The following HIBCH variants were observed in gnomAD, a reference collection of about 807,000 sequenced individuals.
HIBCH encodes the protein 3-hydroxyisobutyryl-CoA hydrolase, mitochondrial.
HIBCH carries 50 observed loss-of-function variants against 58.2 expected under a neutral mutation model. The observed-to-expected ratio is 0.86, with a 90% CI of 0.68 to 1.09. HIBCH has a LOEUF of 1.09. HIBCH is among the 50% of genes least tolerant of loss of function. The probability of loss-of-function intolerance (pLI) is 0.00; values close to 1 mark genes in which losing one functional copy is unlikely to be tolerated. For synonymous variants in HIBCH, 151 were observed against 146.9 expected (o/e 1.03, Z -0.20); for missense variants, 450 against 449.7 (o/e 1.00, Z -0.01).
chr2:190,295,854 G>A (rs1349092653), intron 3 of HIBCH, among the ~76,000 whole-genome samples: 2 of 152,162 alleles, frequency 1.3e-5, no homozygotes, highest in Non-Finnish European at 2.9e-5. Flanking sequence ...TTGGTAGCCA[G>A]GGGAAAACTA....
intron 9 of HIBCH, among the ~76,000 whole-genome samples, chr2:190,246,550 C>T (rs1238631041): frequency 6.6e-6 from 1 of 152,142 alleles, no homozygotes; most frequent in Non-Finnish European, 1.5e-5. Context: ...AATTTCCATC[C>T]TAGCCAGAAA....
intron 7 of HIBCH, among the ~76,000 whole-genome samples, chr2:190,260,226 A>G (rs74620685): frequency 6.6e-6 from 1 of 152,386 alleles, no homozygotes; most frequent in African/African-American, 2.4e-5. Flanking sequence ...AAGTGAGTTT[A>G]GCAAGTCTGC....
chr2:190,229,887 C>T (rs1686041638), intron 11 of HIBCH, among the ~76,000 whole-genome samples: 1 of 151,648 alleles, frequency 6.6e-6, no homozygotes, highest in South Asian at 2.1e-4. Flanking sequence ...TATCTAATCA[C>T]TTTTTTAACA....
intron 13 of HIBCH, among the ~76,000 whole-genome samples, chr2:190,205,991 A>G (rs1316237865): frequency 1.3e-5 from 2 of 152,190 alleles, no homozygotes; most frequent in East Asian, 3.8e-4. Flanking sequence ...ATCTACAATG[A>G]TCTCCAAATT....
At chr2:190,199,645 A>C, downstream of HIBCH, 1 of 1,195,664 alleles carries the variant, frequency 8.4e-7, no homozygotes, top group Non-Finnish European at 1.1e-6. Context: ...ACTCAATCAT[A>C]CACTATTTTG....
In HIBCH at chr2:190,207,895, TAAAA is replaced by T. The variant is rs1690429689; in HGVS notation, c.1045+981_1045+984del. ...GACCCTGTCTCCAAAAAAAATAAAA[TAAAA>T]TAAAAAAAACAAAGGATATCCAGAG... On this transcript the variant is annotated intron_variant, in intron 13 of 13. Coordinates refer to ENST00000359678, the MANE Select transcript of HIBCH (RefSeq NM_014362.4). This position sits in a 1 kb window ranked among gnomAD's most constrained non-coding sequence, Gnocchi z 4.5. Among the ~76,000 whole-genome samples, 1 of 150,758 alleles carries T rather than the reference TAAAA, an allele frequency of 6.6e-6. No homozygotes were observed. The highest frequency in any genetic ancestry group is 1.5e-5 in the Non-Finnish European group (1 of 67,638).
chr2:190,252,966 A>C (rs545546882), intron 7 of HIBCH, among the ~76,000 whole-genome samples: 1 of 152,200 alleles, frequency 6.6e-6, no homozygotes, highest in African/African-American at 2.4e-5. Flanking sequence ...AGACAGGCAG[A>C]TCACCTGAGG....
At chr2:190,264,509 T>G (rs1023500426) in intron 6 of HIBCH, among the ~76,000 whole-genome samples, 1 of 152,164 alleles carries the variant, frequency 6.6e-6, no homozygotes, top group Non-Finnish European at 1.5e-5. Flanking sequence ...AACAAAGGAT[T>G]AGAGTTTTTT....
intron 2 of HIBCH, among the ~76,000 whole-genome samples, chr2:190,299,752 G>A (rs1007749432): frequency 3.3e-5 from 5 of 152,152 alleles, no homozygotes; most frequent in Non-Finnish European, 7.4e-5. Flanking sequence ...GTGGGGGTTT[G>A]TTGTACAGAC....
At chr2:190,192,603 T>C (rs755566804) in intron 1 of HIBCH, among the ~76,000 whole-genome samples, 16 of 152,098 alleles carry the variant, frequency 1.1e-4, no homozygotes, top group Non-Finnish European at 1.5e-4. Flanking sequence ...CGAATATACA[T>C]GTTAATTTGG....
At position 190,208,932 on chromosome 2, in the gene HIBCH, T is replaced by A. The variant is rs1690457105; in HGVS notation, c.1012-19A>T. On this transcript the variant is annotated intron_variant, in intron 12 of 13. Coordinates refer to ENST00000359678, the MANE Select transcript of HIBCH (RefSeq NM_014362.4). ...GACCTCTCTGAAAGAAAATTGAGAT[T>A]AAATGGGGATAATTTCTGGGTGTCC... is the stretch of plus-strand genomic sequence containing the variant. 2 of 1,609,922 alleles carry A rather than the reference T, an allele frequency of 1.2e-6. No homozygotes were observed. The highest frequency in any genetic ancestry group is 3.3e-5 in the Admixed American group (2 of 59,960).
intron 1 of HIBCH, among the ~76,000 whole-genome samples, chr2:190,194,477 TACACACACACACACACACACACAC>T (rs3083429): frequency 0.02 from 2,822 of 141,470 alleles, 37 homozygotes; most frequent in Middle Eastern, 0.058. Context: ...ATCCTGTGTA[TACACACACACACACACACACACAC>T]ACACACACAC....
intron 7 of HIBCH, among the ~76,000 whole-genome samples, chr2:190,255,180 A>G (rs905298416): frequency 2.6e-5 from 4 of 152,162 alleles, no homozygotes; most frequent in African/African-American, 4.8e-5. Context: ...ACAACTTCCC[A>G]TATTTAGGTT....
chr2:190,225,902 C>T (rs1026792935), intron 11 of HIBCH, among the ~76,000 whole-genome samples: 3 of 152,224 alleles, frequency 2.0e-5, no homozygotes, highest in South Asian at 2.1e-4. Flanking sequence ...TCCAGCAGCA[C>T]ATCAAAAAGC....
intron 1 of HIBCH, among the ~76,000 whole-genome samples, chr2:190,311,182 G>C (rs1328174768): frequency 6.6e-6 from 1 of 152,162 alleles, no homozygotes; most frequent in Non-Finnish European, 1.5e-5. Context: ...AAGCCAGTCT[G>C]AAAAGGCTAC....
intron 2 of HIBCH, among the ~76,000 whole-genome samples, chr2:190,305,011 T>C (rs561228577): frequency 3.3e-5 from 5 of 152,296 alleles, no homozygotes; most frequent in South Asian, 2.1e-4. Flanking sequence ...CTTTATTCCA[T>C]TGGCAAAACA....
chr2:190,258,242 C>T (rs291412), intron 7 of HIBCH, among the ~76,000 whole-genome samples: 42,958 of 152,076 alleles, frequency 0.28, 6,625 homozygotes, highest in East Asian at 0.45. Flanking sequence ...TTGGCCACGA[C>T]TGTAAATTTC....
chr2:190,310,100 T>C (rs1688519890), intron 2 of HIBCH, among the ~76,000 whole-genome samples: 1 of 152,194 alleles, frequency 6.6e-6, no homozygotes, highest in Non-Finnish European at 1.5e-5. Context: ...CGGCACTGGA[T>C]GCTTCCTGCC....
chr2:190,265,122 CAAAAAA>C (rs1167140474), intron 6 of HIBCH, among the ~76,000 whole-genome samples: 14 of 56,282 alleles, frequency 2.5e-4, no homozygotes, highest in African/African-American at 6.6e-4. Flanking sequence ...GACTCCGTCT[CAAAAAA>C]AAAAAAAAAA....
Sources: gnomAD v4.1 joint callset for allele counts (sites outside exome capture counted in the v4.1 genomes callset) on GRCh38, gnomAD v4.1.1 for gene constraint, Gnocchi (gnomAD v3.1) non-coding constraint, MANE v1.5 for transcripts, NCBI Gene and HGNC (gene_info 2026-07-23, HGNC 2026-07-21) for gene names.